Variants in SRPK2 observed in about 807,000 individuals in gnomAD.
SRPK2 encodes SRSF protein kinase 2.
A neutral mutation model predicts 90.8 loss-of-function variants in SRPK2; 21 were observed. That is an observed-to-expected ratio of 0.23 (90% CI 0.16 to 0.33). The LOEUF (loss-of-function observed/expected upper bound fraction) is 0.33. SRPK2 is among the 10% of genes least tolerant of loss of function. The probability of loss-of-function intolerance (pLI) is 1.00; values close to 1 mark genes in which losing one functional copy is unlikely to be tolerated. For missense variants in SRPK2, 620 were observed against 869.0 expected, an observed-to-expected ratio of 0.71 and a Z score of 3.60; for synonymous variants, 288 against 311.1, an observed-to-expected ratio of 0.93 and a Z score of 0.78.
intron 2 of SRPK2, among the ~76,000 whole-genome samples, chr7:105,296,821 G>A (rs181753252): frequency 6.6e-6 from 1 of 152,318 alleles, no homozygotes; most frequent in East Asian, 1.9e-4. Flanking sequence ...CCTCCATGGA[G>A]TAGACACTGT....
At chr7:105,331,635 C>T (rs1398383233) in intron 2 of SRPK2, among the ~76,000 whole-genome samples, 1 of 152,116 alleles carries the variant, frequency 6.6e-6, no homozygotes, top group African/African-American at 2.4e-5. Context: ...TGTGCTTAGG[C>T]CCTGATTTTT....
chr7:105,224,185 G>A (rs1798438496), intron 2 of SRPK2, among the ~76,000 whole-genome samples: 1 of 152,068 alleles, frequency 6.6e-6, no homozygotes, highest in African/African-American at 2.4e-5. Flanking sequence ...TATATTTTAT[G>A]AGTCTATATA....
At position 105,304,848 on chromosome 7, in the gene SRPK2, T is replaced by C. The variant is rs190649554; in HGVS notation, c.71+83800A>G. ...GCTACAATCACTGATTGATACATGC[T>C]GCCTACAGATGCCCTCAGACTAGGG... On this transcript the variant is annotated intron_variant, in intron 2 of 15. Transcript: ENST00000393651. 8.4e-4 allele frequency among the ~76,000 whole-genome samples: 128 copies of C among 152,292 alleles called. 3 individuals are homozygous for C. The highest frequency in any genetic ancestry group is 3.0e-3 in the African/African-American group (124 of 41,572).
chr7:105,324,644 T>C (rs543402829), intron 2 of SRPK2, among the ~76,000 whole-genome samples: 1 of 152,282 alleles, frequency 6.6e-6, no homozygotes, highest in South Asian at 2.1e-4. Context: ...CCCAGCACTT[T>C]GGGAGTCCGA....
At chr7:105,342,807 A>G (rs1050968790) in intron 2 of SRPK2, among the ~76,000 whole-genome samples, 5 of 152,310 alleles carry the variant, frequency 3.3e-5, no homozygotes, top group Admixed American at 6.5e-5. Flanking sequence ...AAAAACAGAT[A>G]AGCTTCAAAT....
chr7:105,226,141 T>G (rs1309710011), intron 2 of SRPK2, among the ~76,000 whole-genome samples: 1 of 152,192 alleles, frequency 6.6e-6, no homozygotes, highest in Non-Finnish European at 1.5e-5. Context: ...TGTCAAAATA[T>G]TAGATCTATT....
intron 2 of SRPK2, among the ~76,000 whole-genome samples, chr7:105,231,762 T>G (rs1021721009): frequency 5.9e-5 from 9 of 152,250 alleles, no homozygotes; most frequent in African/African-American, 1.9e-4. Flanking sequence ...TGGTATTGTT[T>G]TTCTCTTACA....
Position 105,146,660 on chromosome 7 carries a change from T to A in SRPK2, c.622-2A>T. 1 of 1,613,832 alleles carries A rather than the reference T, an allele frequency of 6.2e-7. No individual in the cohort carries two copies. The highest frequency in any genetic ancestry group is 1.7e-5 in the Admixed American group (1 of 59,966). The stretch of plus-strand genomic sequence containing the variant: ...TAAGTAATCTAACCCTTGAAGGACC[T>A]GGATATAGTAAAATCAAGAGAGAAG... On this transcript the variant is annotated splice_acceptor_variant, in intron 7 of 15. Transcript: ENST00000393651. LOFTEE classifies it high-confidence loss of function.
chr7:105,235,449 G>A (rs141973053), intron 2 of SRPK2, among the ~76,000 whole-genome samples: 185 of 121,090 alleles, frequency 1.5e-3, no homozygotes, highest in African/African-American at 5.8e-3. Context: ...TCACTTCTAC[G>A]TTGTCTGGGA....
chr7:105,204,899 G>C (rs1796003680), intron 2 of SRPK2: 2 of 393,592 alleles, frequency 5.1e-6, no homozygotes, highest in Non-Finnish European at 9.7e-6. Context: ...GTTATTGCTA[G>C]ATTTCCTTTT....
At chr7:105,330,183 C>T (rs1814126248) in intron 2 of SRPK2, among the ~76,000 whole-genome samples, 1 of 151,544 alleles carries the variant, frequency 6.6e-6, no homozygotes, top group South Asian at 2.1e-4. Context: ...ACTAAAAATA[C>T]AAAAAAATTA....
chr7:105,119,706 G>A (rs944584804), intron 15 of SRPK2, among the ~76,000 whole-genome samples: 9 of 152,190 alleles, frequency 5.9e-5, no homozygotes, highest in Admixed American at 5.9e-4. Context: ...AACAAAGTCT[G>A]AACAGAGACT....
At chr7:105,123,902 G>A (rs761556389) in intron 15 of SRPK2, among the ~76,000 whole-genome samples, 2 of 152,186 alleles carry the variant, frequency 1.3e-5, no homozygotes, top group Admixed American at 6.5e-5. Flanking sequence ...AACACCAAGT[G>A]AAAATATTTT....
chr7:105,290,994 C>T (rs868378870), intron 2 of SRPK2, among the ~76,000 whole-genome samples: 5 of 145,492 alleles, frequency 3.4e-5, no homozygotes, highest in Admixed American at 1.4e-4. Flanking sequence ...GCCGAGATTG[C>T]GCCACTGCAG....
intron 15 of SRPK2, 31 bp downstream of exon 15, chr7:105,126,217 C>T (rs555436659): frequency 5.3e-6 from 8 of 1,517,734 alleles, no homozygotes; most frequent in African/African-American, 1.4e-5. Flanking sequence ...CTGTCTGCAT[C>T]GTGGCGCTTT....
intron 4 of SRPK2, 142 bp from the exon 5 acceptor site, chr7:105,168,237 C>A: frequency 1.6e-6 from 1 of 637,664 alleles, no homozygotes; most frequent in Non-Finnish European, 2.7e-6. Flanking sequence ...TGTGTCAACA[C>A]GATGCCACAG....
chr7:105,116,334 C>T (rs1400424349), downstream of SRPK2: 2 of 152,042 alleles, frequency 1.3e-5, no homozygotes, highest in Admixed American at 6.6e-5. Flanking sequence ...AGCAAATGTT[C>T]ATTGATTCTA....
chr7:105,358,377 G>C (rs1818044759), intron 2 of SRPK2, among the ~76,000 whole-genome samples: 1 of 151,334 alleles, frequency 6.6e-6, no homozygotes, highest in African/African-American at 2.4e-5. Flanking sequence ...ATAAACAAAA[G>C]AAAACTTTAT....
At chr7:105,333,279 A>T (rs1288518853) in intron 2 of SRPK2, among the ~76,000 whole-genome samples, 1 of 152,268 alleles carries the variant, frequency 6.6e-6, no homozygotes, top group Non-Finnish European at 1.5e-5. Flanking sequence ...TTACATTGGA[A>T]ATTATAACAA....
Sources: gnomAD v4.1 joint callset for allele counts (sites outside exome capture counted in the v4.1 genomes callset) on GRCh38, gnomAD v4.1.1 for gene constraint, MANE v1.5 for transcripts, NCBI Gene and HGNC (gene_info 2026-07-23, HGNC 2026-07-21) for gene names.